Variants in DAB2 observed in about 807,000 individuals in gnomAD.
DAB2 encodes the protein disabled homolog 2.
In DAB2, 28 loss-of-function variants were observed where a neutral mutation model predicts 71.6. The observed-to-expected ratio is 0.39, with a 90% confidence interval of 0.29 to 0.54. The LOEUF (loss-of-function observed/expected upper bound fraction) is 0.54, where lower values mean the gene tolerates loss of function less well. Ranked by LOEUF, DAB2 falls within the 20% of genes least tolerant of loss-of-function variation. The pLI is 0.68. For synonymous variants in DAB2, 345 were observed against 339.7 expected (o/e 1.02, Z -0.17); for missense variants, 867 against 928.8 (o/e 0.93, Z 0.86).
intron 9 of DAB2, chr5:39,387,792 C>A (rs939963095): frequency 1.9e-4 from 29 of 151,604 alleles, no homozygotes; most frequent in African/African-American, 7.0e-4. Context: ...CAATATTGAG[C>A]AGACTGGATA....
intron 7 of DAB2, 50 bp from the exon 8 acceptor site, chr5:39,388,902 A>T: frequency 6.6e-7 from 1 of 1,517,930 alleles, no homozygotes; most frequent in Non-Finnish European, 9.2e-7. Flanking sequence ...TGTCTATAAA[A>T]TGTATTTGTC....
chr5:39,417,144 C>T (rs969541684), intron 1 of DAB2: 5 of 151,818 alleles, frequency 3.3e-5, no homozygotes, highest in Non-Finnish European at 5.9e-5. Context: ...CACACACCGG[C>T]GCCTGGTTGG....
In DAB2 at chr5:39,376,727, T is replaced by C. The variant is rs923081778; in HGVS notation, c.2060A>G (p.Asn687Ser). The change falls in exon 12 of 15, where the codon AAC (asparagine) becomes AGC (serine). Residue 687 changes from asparagine to serine, a missense_variant. By Grantham distance (46) the Asn-to-Ser change is conservative (BLOSUM62 1). This residue lies in a region of DAB2 where 740 missense variants were observed against 734.3 expected (regional missense o/e 1.01). Coordinates refer to ENST00000320816, the MANE Select transcript of DAB2 (RefSeq NM_001343.4). ...CTCCTGAGGAATGCCAACCTTGCTGTTGAAATAACTGGCAAAGGCACTCAA... is the reference window on the plus strand; with the variant it reads ...CTCCTGAGGAATGCCAACCTTGCTGCTGAAATAACTGGCAAAGGCACTCAA... Reference protein sequence around the residue: ...GTLSAFASYFNSKVGIPQENA... With the variant: ...GTLSAFASYFSSKVGIPQENA... 5 of 1,614,126 alleles carry C rather than the reference T, an allele frequency of 3.1e-6. No homozygotes were observed. Among genetic ancestry groups the C allele is most frequent in the Non-Finnish European group, 4.2e-6 (5 of 1,180,014 alleles).
rs376084643 is a variant in DAB2 at position 39,377,533 on chromosome 5, G to C, written c.1505-251C>G. On this transcript the variant is annotated intron_variant, in intron 11 of 14. Transcript: ENST00000320816. ...CCTACCATGTCTTTTTAACTTTCCT[G>C]ATTAGAAGGGTAGTACGGTCCATAA... Among the ~76,000 whole-genome samples the C allele has an allele frequency of 1.4e-3, 209 of 152,246 alleles. 10 individuals carry two copies. The South Asian group carries it at 0.04, about 29-fold the overall frequency.
Position 39,422,446 on chromosome 5 carries a change from A to C in DAB2, c.-102+2358T>G, listed in dbSNP as rs755020954. On this transcript the variant is annotated intron_variant, in intron 1 of 14. Coordinates refer to ENST00000320816, the MANE Select transcript of DAB2 (RefSeq NM_001343.4). The surrounding 1 kb of genome is among the most constrained non-coding windows in gnomAD (Gnocchi z 4.1). ...CTTGGCTTTGTCTTTAAGAAGAGCA[A>C]TAATTAAATCCTCAGGTCAAAAGAA... 4.6e-5 allele frequency among the ~76,000 whole-genome samples: 7 copies of C among 152,208 alleles called. No homozygotes were observed. Among genetic ancestry groups the C allele is most frequent in the Non-Finnish European group, 8.8e-5 (6 of 68,044 alleles).
At chr5:39,396,154 G>A (rs953184489) in intron 1 of DAB2, among the ~76,000 whole-genome samples, 1 of 151,772 alleles carries the variant, frequency 6.6e-6, no homozygotes, top group Non-Finnish European at 1.5e-5. Context: ...TCACCATGTT[G>A]GTCAGGCTGG....
At chr5:39,378,740 A>G (rs1293022169) in intron 11 of DAB2, among the ~76,000 whole-genome samples, 3 of 152,186 alleles carry the variant, frequency 2.0e-5, no homozygotes, top group African/African-American at 7.2e-5. Context: ...GATGGTAGAA[A>G]CTGAAAATCA....
At position 39,389,529 on chromosome 5, in the gene DAB2, G is replaced by C. The variant is rs563110948; in HGVS notation, c.543+323C>G. Among the ~76,000 whole-genome samples, 9 of 152,222 alleles carry C rather than the reference G, an allele frequency of 5.9e-5. No homozygotes were observed. In the South Asian group the frequency reaches 1.9e-3, roughly 32 times the overall value. On this transcript the variant is annotated intron_variant, in intron 6 of 14. Coordinates refer to ENST00000320816, the MANE Select transcript of DAB2 (RefSeq NM_001343.4). ...AGTACAGTTTTAAGTTTGTTTGTTT[G>C]AGACAGAGTCTCGTTCTGTCGCCCA...
chr5:39,395,937 C>CTTTTTTTTTTTTTTTTTTTTTTTTTTTT (rs3024228), intron 1 of DAB2, among the ~76,000 whole-genome samples: 2 of 74,858 alleles, frequency 2.7e-5, no homozygotes, highest in African/African-American at 5.6e-5. Flanking sequence ...CACAGATATT[C>CTTTTTTTTTTTTTTTTTTTTTTTTTTTT]TTTTTTTTTT....
intron 1 of DAB2, among the ~76,000 whole-genome samples, chr5:39,400,926 T>C (rs1755481983): frequency 6.6e-6 from 1 of 152,178 alleles, no homozygotes; most frequent in Non-Finnish European, 1.5e-5. Flanking sequence ...TAGGACAACA[T>C]GTGAAATATT....
intron 1 of DAB2, among the ~76,000 whole-genome samples, chr5:39,415,155 T>C (rs942718835): frequency 6.6e-6 from 1 of 152,188 alleles, no homozygotes; most frequent in African/African-American, 2.4e-5. Context: ...GCAAATGTTG[T>C]CTGAAGGGTT....
chr5:39,382,569 G>T (rs1246725161), intron 10 of DAB2, 49 bp downstream of exon 10: 5 of 1,540,530 alleles, frequency 3.2e-6, no homozygotes, highest in South Asian at 1.2e-5. Context: ...ACCACCCTTT[G>T]GTACCGAACA....
intron 2 of DAB2, 121 bp downstream of exon 2, chr5:39,394,109 G>A: frequency 2.7e-6 from 2 of 752,836 alleles, no homozygotes; most frequent in Middle Eastern, 2.3e-4. Context: ...AGGAGAACAT[G>A]AGACTAAGCT....
In DAB2 at chr5:39,377,229, C is replaced by T. The variant is rs1415641547; in HGVS notation, c.1558G>A (p.Val520Ile). The T allele has an allele frequency of 6.2e-7, 1 of 1,614,068 alleles. No individual in the cohort carries two copies. The highest frequency in any genetic ancestry group is 1.1e-5 in the South Asian group (1 of 91,074). Residue 520 changes from valine to isoleucine, a missense_variant, in exon 12 of 15, where the codon GTC (valine) becomes ATC (isoleucine). Physicochemically the swap from Val to Ile is conservative, Grantham distance 29 (BLOSUM62 3). This residue lies in a region of DAB2 where 740 missense variants were observed against 734.3 expected (regional missense o/e 1.01). Coordinates refer to ENST00000320816, the MANE Select transcript of DAB2 (RefSeq NM_001343.4). ...GCCATTGAAGGGGACTGATTGAAGA[C>T]CAAAGATGCTGTGTTCCATGGTCCT... ...QAGPWNTASL[V>I]FNQSPSMAPG...
At chr5:39,402,596 T>G (rs2112082695) in intron 1 of DAB2, among the ~76,000 whole-genome samples, 1 of 152,286 alleles carries the variant, frequency 6.6e-6, no homozygotes, top group South Asian at 2.1e-4. Flanking sequence ...TTTTGTATTT[T>G]TAGTAGAGAC....
chr5:39,413,516 A>G (rs1386622577), intron 1 of DAB2, among the ~76,000 whole-genome samples: 1 of 152,146 alleles, frequency 6.6e-6, no homozygotes, highest in Non-Finnish European at 1.5e-5. Context: ...CCTTTAAAAC[A>G]AAAAAAGAGC....
intron 9 of DAB2, among the ~76,000 whole-genome samples, chr5:39,384,312 A>G (rs1003535493): frequency 6.6e-6 from 1 of 152,256 alleles, no homozygotes; most frequent in African/African-American, 2.4e-5. Flanking sequence ...AGTTTAATTT[A>G]TCAATTAGGC....
chr5:39,413,600 A>G (rs1755779758), intron 1 of DAB2, among the ~76,000 whole-genome samples: 1 of 152,186 alleles, frequency 6.6e-6, no homozygotes, highest in Non-Finnish European at 1.5e-5. Context: ...AGAATGTATT[A>G]ACATGATTTT....
chr5:39,419,696 A>C (rs1755934627), intron 1 of DAB2, among the ~76,000 whole-genome samples: 1 of 152,198 alleles, frequency 6.6e-6, no homozygotes, highest in Non-Finnish European at 1.5e-5. Context: ...AAAAGAAGTA[A>C]GTGGGACAGT....
Sources: allele counts gnomAD v4.1 joint callset (sites outside exome capture counted in the v4.1 genomes callset), GRCh38; gene constraint gnomAD v4.1.1; regional missense constraint gnomAD v4.1.1; non-coding constraint Gnocchi (gnomAD v3.1); transcripts MANE v1.5; gene names NCBI Gene and HGNC (gene_info 2026-07-23, HGNC 2026-07-21).